The following SNTG1 variants were observed in gnomAD, a reference collection of about 807,000 sequenced individuals.
SNTG1 encodes gamma-1-syntrophin.
A neutral mutation model predicts 74.7 loss-of-function variants in SNTG1; 39 were observed. That is an observed-to-expected ratio of 0.52 (90% CI 0.40 to 0.68). The LOEUF is 0.68. Ranked by LOEUF, SNTG1 falls within the 30% of genes least tolerant of loss-of-function variation. The pLI, the probability that SNTG1 is intolerant of heterozygous loss-of-function variation, is 0.00. For missense variants in SNTG1, 685 were observed against 609.5 expected, an observed-to-expected ratio of 1.12 and a Z score of -1.30; for synonymous variants, 254 against 217.1, an observed-to-expected ratio of 1.17 and a Z score of -1.49.
chr8:50,638,585 T>G (rs2131157852), intron 13 of SNTG1, among the ~76,000 whole-genome samples: 1 of 151,970 alleles, frequency 6.6e-6, no homozygotes, highest in East Asian at 1.9e-4. Context: ...TAACAGAAAA[T>G]ACCTTACAAA....
intron 18 of SNTG1, among the ~76,000 whole-genome samples, chr8:50,778,908 A>G (rs1399790791): frequency 6.6e-6 from 1 of 152,172 alleles, no homozygotes; most frequent in African/African-American, 2.4e-5. Context: ...ATCCAGTTTC[A>G]GCTTTCCACA....
At chr8:50,635,759 C>T (rs2095035100) in intron 13 of SNTG1, among the ~76,000 whole-genome samples, 1 of 152,150 alleles carries the variant, frequency 6.6e-6, no homozygotes, top group African/African-American at 2.4e-5. Context: ...TCAGAGATCC[C>T]ATGAGCCCAC....
intron 1 of SNTG1, among the ~76,000 whole-genome samples, chr8:50,131,951 C>T (rs866986945): frequency 4.6e-5 from 7 of 151,966 alleles, no homozygotes; most frequent in Middle Eastern, 3.2e-3. Flanking sequence ...TGATGTTGAG[C>T]ACCTTGTTAT....
At chr8:50,275,778 G>T (rs1042961722) in intron 2 of SNTG1, among the ~76,000 whole-genome samples, 2 of 152,124 alleles carry the variant, frequency 1.3e-5, no homozygotes, top group African/African-American at 4.8e-5. Flanking sequence ...AGCGACTACT[G>T]CTCTAAGTTG....
At chr8:49,953,452 G>T (rs1809902036) in intron 1 of SNTG1, among the ~76,000 whole-genome samples, 1 of 152,162 alleles carries the variant, frequency 6.6e-6, no homozygotes, top group Non-Finnish European at 1.5e-5. Context: ...GATTACAAGT[G>T]CCCTTACCAT....
At chr8:50,025,592 TAAC>T (rs1311250828) in intron 1 of SNTG1, among the ~76,000 whole-genome samples, 1 of 152,146 alleles carries the variant, frequency 6.6e-6, no homozygotes, top group Admixed American at 6.6e-5. Flanking sequence ...ATGGCCATGG[TAAC>T]TCCTGTAGTT....
chr8:50,324,121 G>C (rs1255008202), intron 2 of SNTG1, among the ~76,000 whole-genome samples: 1 of 152,136 alleles, frequency 6.6e-6, no homozygotes, highest in Non-Finnish European at 1.5e-5. Context: ...TGATGGCAAG[G>C]CTTGCAGAGA....
intron 2 of SNTG1, among the ~76,000 whole-genome samples, chr8:50,349,386 A>C (rs973570903): frequency 6.6e-6 from 1 of 152,128 alleles, no homozygotes; most frequent in Non-Finnish European, 1.5e-5. Flanking sequence ...TTTTTTAATT[A>C]TACTTTAAGT....
intron 13 of SNTG1, among the ~76,000 whole-genome samples, chr8:50,634,997 G>A (rs772890047): frequency 6.6e-6 from 1 of 152,070 alleles, no homozygotes; most frequent in South Asian, 2.1e-4. Context: ...GTAGACCTGT[G>A]GTATCCTGGG....
At chr8:49,965,557 A>G (rs1184433260) in intron 1 of SNTG1, among the ~76,000 whole-genome samples, 3 of 152,204 alleles carry the variant, frequency 2.0e-5, no homozygotes, top group African/African-American at 7.2e-5. Context: ...CACCAGGACA[A>G]TAGTCTCTAG....
intron 13 of SNTG1, among the ~76,000 whole-genome samples, chr8:50,643,273 G>A (rs932682244): frequency 6.6e-6 from 1 of 152,074 alleles, no homozygotes; most frequent in Admixed American, 6.6e-5. Flanking sequence ...TTTCTTTCCT[G>A]ATTGCCACTC....
intron 1 of SNTG1, among the ~76,000 whole-genome samples, chr8:50,144,384 T>C (rs2081780836): frequency 6.6e-6 from 1 of 152,012 alleles, no homozygotes; most frequent in African/African-American, 2.4e-5. Context: ...TAGTGGTGAG[T>C]ATGAGGTCCA....
At chr8:50,750,058 A>C (rs1394233654) in intron 17 of SNTG1, among the ~76,000 whole-genome samples, 1 of 152,058 alleles carries the variant, frequency 6.6e-6, no homozygotes. Context: ...TCATAATTTT[A>C]GATGCCATTA....
chr8:49,926,473 A>T (rs1169256137), intron 1 of SNTG1, among the ~76,000 whole-genome samples: 1 of 152,176 alleles, frequency 6.6e-6, no homozygotes, highest in Non-Finnish European at 1.5e-5. Context: ...TTAATTAAAC[A>T]TAAATTAATT....
intron 13 of SNTG1, among the ~76,000 whole-genome samples, chr8:50,621,555 T>A (rs975148953): frequency 1.3e-5 from 2 of 152,230 alleles, no homozygotes; most frequent in Admixed American, 6.5e-5. Context: ...GAGTAGAGCC[T>A]CGATAATACA....
At chr8:49,934,034 C>T (rs1395938238) in intron 1 of SNTG1, among the ~76,000 whole-genome samples, 1 of 152,112 alleles carries the variant, frequency 6.6e-6, no homozygotes, top group Non-Finnish European at 1.5e-5. Context: ...AAATTAAATA[C>T]TCTGAGAAGG....
In SNTG1 at chr8:50,313,820, A is replaced by C. The variant is rs548239955; in HGVS notation, c.-27-80392A>C. ...TCAATATCTTCTTTTACCTCCCTTT[A>C]TCATAATTTGTTTTCCAGAAATATT... On this transcript the variant is annotated intron_variant, in intron 2 of 18. Coordinates refer to ENST00000642720, the MANE Select transcript of SNTG1 (RefSeq NM_018967.5). Among the ~76,000 whole-genome samples the C allele has an allele frequency of 1.3e-5, 2 of 149,978 alleles. 1 individual carries two copies. The highest frequency in any genetic ancestry group is 4.5e-4 in the South Asian group (2 of 4,488).
At chr8:50,684,072 T>C (rs2131401800) in intron 15 of SNTG1, among the ~76,000 whole-genome samples, 1 of 152,298 alleles carries the variant, frequency 6.6e-6, no homozygotes, top group Non-Finnish European at 1.5e-5. Flanking sequence ...TTAGTAGACA[T>C]TTAAGTGTGG....
At chr8:50,442,680 T>TAAAAAAAAAAAAAAAAA (rs5891365) in intron 5 of SNTG1, among the ~76,000 whole-genome samples, 7 of 81,170 alleles carry the variant, frequency 8.6e-5, no homozygotes, top group Non-Finnish European at 1.2e-4. Context: ...TGTCTATCAG[T>TAAAAAAAAAAAAAAAAA]AAAAAAAAAA....
Sources: allele counts gnomAD v4.1 joint callset (sites outside exome capture counted in the v4.1 genomes callset), GRCh38; gene constraint gnomAD v4.1.1; transcripts MANE v1.5; gene names NCBI Gene and HGNC (gene_info 2026-07-23, HGNC 2026-07-21).